The following IKZF3 variants were observed in gnomAD, a reference collection of about 807,000 sequenced individuals.
The protein encoded by IKZF3 is zinc finger protein Aiolos.
A neutral mutation model predicts 49.0 loss-of-function variants in IKZF3; 10 were observed. The observed-to-expected ratio is 0.20, with a 90% CI of 0.13 to 0.35. The LOEUF is 0.35. Among genes scored for constraint, IKZF3 ranks in the 10% least tolerant of loss-of-function variants. IKZF3 has a pLI of 1.00. For synonymous variants in IKZF3, 209 were observed against 228.2 expected (o/e 0.92, Z 0.76); for missense variants, 498 against 664.8 (o/e 0.75, Z 2.76).
At chr17:39,845,656 G>C (rs945213012) in intron 1 of IKZF3, among the ~76,000 whole-genome samples, 6 of 152,108 alleles carry the variant, frequency 3.9e-5, no homozygotes, top group African/African-American at 7.2e-5. Flanking sequence ...GACCTGCAAA[G>C]CCTAAAACAT....
At chr17:39,786,852 C>A (rs867310533) in intron 6 of IKZF3, among the ~76,000 whole-genome samples, 1 of 152,078 alleles carries the variant, frequency 6.6e-6, no homozygotes, top group Non-Finnish European at 1.5e-5. Context: ...AGAAATCCAA[C>A]TCCTTGATAA....
chr17:39,821,254 T>C (rs1201305847), intron 3 of IKZF3, among the ~76,000 whole-genome samples: 1 of 152,042 alleles, frequency 6.6e-6, no homozygotes, highest in Non-Finnish European at 1.5e-5. Context: ...AGTATCAGAA[T>C]TGAATTGAAT....
chr17:39,814,218 C>G (rs1320514690), intron 3 of IKZF3, among the ~76,000 whole-genome samples: 1 of 151,686 alleles, frequency 6.6e-6, no homozygotes, highest in Non-Finnish European at 1.5e-5. Context: ...TATCTTTGAT[C>G]TAAGCATCTA....
chr17:39,835,459 C>A lies in IKZF3; in HGVS notation c.8-3308G>T, dbSNP rs190632920. 5.1e-5 allele frequency: 23 copies of A among 452,724 alleles called. No homozygotes were observed. In the Admixed American group the frequency reaches 5.9e-4, roughly 12 times the overall value. The allele number at this position is 452,724 out of a possible 1,614,324, so 28.0% of individuals were successfully genotyped here. A position where few individuals can be genotyped will look rare whatever the true frequency, so the allele number is the denominator to read the frequency against. ...GAGGCCCTCTGTCTCAGACTGGAGC[C>A]GGCTGATGTTCCAGTTTATCTTGGA... On this transcript the variant is annotated intron_variant, in intron 1 of 7. Transcript: ENST00000346872.
chr17:39,851,009 ATTATATACACGTATG>A (rs1473470377), intron 1 of IKZF3, among the ~76,000 whole-genome samples: 8 of 144,808 alleles, frequency 5.5e-5, no homozygotes, highest in African/African-American at 1.5e-4. Context: ...ACATGTATAT[ATTATATACACGTATG>A]TTATATACAC....
chr17:39,841,178 C>CA (rs111702386), intron 1 of IKZF3, among the ~76,000 whole-genome samples: 104 of 133,524 alleles, frequency 7.8e-4, no homozygotes, highest in Non-Finnish European at 1.0e-3. Flanking sequence ...CTGTCTGGAA[C>CA]AAAAAAAAAA....
chr17:39,814,069 T>C (rs76094999), intron 3 of IKZF3, among the ~76,000 whole-genome samples: 4,111 of 152,266 alleles, frequency 0.027, 197 homozygotes, highest in African/African-American at 0.094. Context: ...AAGTAGTTTG[T>C]ACTTCTTCTA....
In IKZF3 at chr17:39,823,133, TGAA is replaced by T. The variant is rs2061855414; in HGVS notation, c.163+6251_163+6253del. On this transcript the variant is annotated intron_variant, in intron 3 of 7. Transcript: ENST00000346872. ...AGCTTGGAACTTCCTAGAGACTTGTTGAATGGTTTCGACCAAAATGCTGACAGT... is the reference window on the plus strand; with the variant it reads ...AGCTTGGAACTTCCTAGAGACTTGTTTGGTTTCGACCAAAATGCTGACAGT... Among the ~76,000 whole-genome samples the T allele has an allele frequency of 2.0e-5, 3 of 152,290 alleles. No homozygotes were observed. The South Asian group carries it at 6.2e-4, about 32-fold the overall frequency.
chr17:39,761,853 T>C lies in IKZF3; in HGVS notation c.*3937A>G, dbSNP rs9909432. On this transcript the variant is annotated 3_prime_UTR_variant, in exon 8 of 8. Transcript: ENST00000346872. Reference sequence around the variant, plus strand: ...CTGAGTAGCTGGGATTACAGGCATGTGCCATCACGCCCGGCTAATTTTGTA... The same window carrying C: ...CTGAGTAGCTGGGATTACAGGCATGCGCCATCACGCCCGGCTAATTTTGTA... 0.12 allele frequency: 18,616 copies of C among 152,246 alleles called. 2,600 individuals are homozygous for C. The highest frequency in any genetic ancestry group is 0.35 in the African/African-American group (14,385 of 41,436). 9.4% of individuals were successfully genotyped at this position (152,246 alleles called of 1,614,324 possible).
Position 39,773,293 on chromosome 17 carries a change from C to T in IKZF3, c.826+4358G>A, listed in dbSNP as rs138064345. 2.4e-3 allele frequency among the ~76,000 whole-genome samples: 369 copies of T among 152,362 alleles called. 1 individual carries two copies. The highest frequency in any genetic ancestry group is 8.1e-3 in the African/African-American group (336 of 41,580). On this transcript the variant is annotated intron_variant, in intron 7 of 7. Transcript: ENST00000346872. The stretch of plus-strand genomic sequence containing the variant: ...TCACTCCACCTCTCTGATCCTCCTT[C>T]CTTCCATGGTAAAAGAGCCTCACTG...
chr17:39,780,362 A>T, intron 6 of IKZF3, among the ~76,000 whole-genome samples: 1 of 151,774 alleles, frequency 6.6e-6, no homozygotes, highest in East Asian at 1.9e-4. Flanking sequence ...TTATTTAGTT[A>T]ATTTATTTAC....
At chr17:39,767,049 A>C (rs1163495845) in intron 7 of IKZF3, among the ~76,000 whole-genome samples, 1 of 152,172 alleles carries the variant, frequency 6.6e-6, no homozygotes, top group East Asian at 1.9e-4. Context: ...ATAGCCCCCC[A>C]GACTCCAACT....
At chr17:39,851,605 G>C (rs2062877627) in intron 1 of IKZF3, among the ~76,000 whole-genome samples, 1 of 152,008 alleles carries the variant, frequency 6.6e-6, no homozygotes, top group Non-Finnish European at 1.5e-5. Context: ...TTCAACAACA[G>C]GGAAACTATC....
At chr17:39,822,281 T>C (rs980680167) in intron 3 of IKZF3, among the ~76,000 whole-genome samples, 15 of 152,148 alleles carry the variant, frequency 9.9e-5, no homozygotes, top group African/African-American at 3.6e-4. Context: ...CCAAATCTCA[T>C]CTTGAATTGT....
chr17:39,767,981 G>T (rs1362995266), intron 7 of IKZF3, among the ~76,000 whole-genome samples: 2 of 152,114 alleles, frequency 1.3e-5, no homozygotes, highest in Non-Finnish European at 2.9e-5. Flanking sequence ...GAGCCTGGGA[G>T]GCAGAGATTG....
intron 1 of IKZF3, chr17:39,839,416 A>C: frequency 1.7e-6 from 1 of 599,534 alleles, no homozygotes; most frequent in South Asian, 1.4e-5. Flanking sequence ...TTGGAGTTGT[A>C]CCTGATTTTA....
chr17:39,825,173 C>G (rs2061924887), intron 3 of IKZF3, among the ~76,000 whole-genome samples: 1 of 152,178 alleles, frequency 6.6e-6, no homozygotes, highest in Admixed American at 6.5e-5. Flanking sequence ...TTGGGTATTT[C>G]TTCATAGCAG....
chr17:39,838,655 C>T (rs568990442), intron 1 of IKZF3, among the ~76,000 whole-genome samples: 7 of 152,222 alleles, frequency 4.6e-5, no homozygotes, highest in South Asian at 4.1e-4. Context: ...CTGCCAGTTC[C>T]ATTATGTATG....
intron 3 of IKZF3, among the ~76,000 whole-genome samples, chr17:39,811,907 T>C (rs2144107552): frequency 6.6e-6 from 1 of 152,304 alleles, no homozygotes; most frequent in South Asian, 2.1e-4. Context: ...ATACAATGTG[T>C]ACAAATTTGG....
Sources: allele counts gnomAD v4.1 joint callset (sites outside exome capture counted in the v4.1 genomes callset), GRCh38; gene constraint gnomAD v4.1.1; transcripts MANE v1.5; gene names NCBI Gene and HGNC (gene_info 2026-07-23, HGNC 2026-07-21).